Variants in TRPC6 observed in about 807,000 individuals in gnomAD.
The protein encoded by TRPC6 is transient receptor potential cation channel subfamily C member 6.
Under a neutral mutation model 90.7 loss-of-function variants are expected in TRPC6, and 55 were observed. The ratio of observed to expected loss-of-function variants is 0.61; its 90% confidence interval spans 0.49 to 0.76. The LOEUF (loss-of-function observed/expected upper bound fraction) is 0.76, where lower values mean the gene tolerates loss of function less well. Ranked by LOEUF, TRPC6 falls within the 30% of genes least tolerant of loss-of-function variation. The pLI, the probability that TRPC6 is intolerant of heterozygous loss-of-function variation, is 0.00. For missense variants in TRPC6, 989 were observed against 1,122.7 expected (o/e 0.88, Z 1.70); for synonymous variants, 393 against 393.0 (o/e 1.00, Z 0.00).
intron 2 of TRPC6, among the ~76,000 whole-genome samples, chr11:101,493,448 G>C (rs1226870983): frequency 6.6e-6 from 1 of 152,102 alleles, no homozygotes; most frequent in Non-Finnish European, 1.5e-5. Context: ...CAATTGCTCA[G>C]GTTGAATTAT....
rs992595807 is a variant in TRPC6 at position 101,583,781 on chromosome 11, G to C, written c.-278C>G. 21 of 368,582 alleles carry C rather than the reference G, an allele frequency of 5.7e-5. No individual in the cohort carries two copies. The highest frequency in any genetic ancestry group is 7.0e-4 in the Middle Eastern group (1 of 1,436). 22.8% of individuals were successfully genotyped at this position (368,582 alleles called of 1,614,324 possible). A position where few individuals can be genotyped will look rare whatever the true frequency, so the allele number is the denominator to read the frequency against. ...CGCGAGGATGCGTCTGGGGCGCCCG[G>C]GCAGAGAGGGCACAGGCGGGGCCGC... On this transcript the variant is annotated 5_prime_UTR_variant, in exon 1 of 13. Coordinates refer to ENST00000344327, the MANE Select transcript of TRPC6 (RefSeq NM_004621.6).
At position 101,483,050 on chromosome 11, in the gene TRPC6, A is replaced by C; in HGVS notation, c.1409T>G (p.Leu470Arg). Residue 470 changes from leucine to arginine, a missense_variant, in exon 5 of 13, where the codon CTC becomes CGC. Transcript: ENST00000344327. ...ATCTGTGCTGGTTTCATTAGGAAGG[A>C]GTTTTGTGCCTTCAAATCTGTCAGC... ...NAADRFEGTK[L>R]LPNETSTDNA... is the part of the protein sequence containing the mutation. The C allele has an allele frequency of 6.2e-7, 1 of 1,614,094 alleles. No individual in the cohort carries two copies. The highest frequency in any genetic ancestry group is 8.5e-7 in the Non-Finnish European group (1 of 1,179,952).
At chr11:101,456,527 T>A (rs1858887080) in intron 10 of TRPC6, among the ~76,000 whole-genome samples, 1 of 152,178 alleles carries the variant, frequency 6.6e-6, no homozygotes, top group Admixed American at 6.6e-5. Context: ...TTATTTACCA[T>A]CTATTCATTA....
intron 4 of TRPC6, 76 bp downstream of exon 4, chr11:101,488,861 A>T (rs536158763): frequency 1.3e-6 from 2 of 1,545,786 alleles, no homozygotes; most frequent in Admixed American, 3.4e-5. Flanking sequence ...TGAAATTTTC[A>T]CTTTGGAGAT....
At chr11:101,500,207 T>TTTA (rs1860081376) in intron 2 of TRPC6, among the ~76,000 whole-genome samples, 1 of 116,956 alleles carries the variant, frequency 8.6e-6, no homozygotes. Context: ...GTGTATTTTT[T>TTTA]TTCTTTCTTT....
chr11:101,517,228 A>T lies in TRPC6; in HGVS notation c.171-12430T>A, dbSNP rs542050505. Among the ~76,000 whole-genome samples, 22 of 152,348 alleles carry T rather than the reference A, an allele frequency of 1.4e-4. No individual in the cohort carries two copies. The South Asian group carries it at 3.7e-3, about 26-fold the overall frequency. ...GGTGAAAAGGAAAACAAATTCAGTC[A>T]AACTAGTGAAGCCATTGCTTTGGTA... On this transcript the variant is annotated intron_variant, in intron 1 of 12. Coordinates refer to ENST00000344327, the MANE Select transcript of TRPC6 (RefSeq NM_004621.6).
intron 1 of TRPC6, among the ~76,000 whole-genome samples, chr11:101,562,639 G>A (rs1046191264): frequency 1.3e-5 from 2 of 152,144 alleles, no homozygotes; most frequent in African/African-American, 4.8e-5. Flanking sequence ...GCTACCTACT[G>A]TTGTGAGCTG....
intron 5 of TRPC6, among the ~76,000 whole-genome samples, chr11:101,481,177 G>A (rs951768754): frequency 2.0e-5 from 3 of 152,142 alleles, no homozygotes; most frequent in African/African-American, 7.2e-5. Flanking sequence ...GACATGTCCT[G>A]CCTTAGAAGT....
At chr11:101,489,466 C>CT (rs1443935699) in intron 3 of TRPC6, among the ~76,000 whole-genome samples, 2 of 151,976 alleles carry the variant, frequency 1.3e-5, no homozygotes, top group Non-Finnish European at 2.9e-5. Flanking sequence ...TGCCTAAATA[C>CT]TTTTTTAAAA....
Position 101,504,307 on chromosome 11 carries a change from G to A in TRPC6, c.662C>T (p.Thr221Ile). The A allele has an allele frequency of 9.9e-6, 16 of 1,613,364 alleles. No homozygotes were observed. The highest frequency in any genetic ancestry group is 1.4e-5 in the Non-Finnish European group (16 of 1,179,332). Residue 221 changes from threonine to isoleucine, a missense_variant, in exon 2 of 13, where the codon ACT becomes ATT. Physicochemically the swap from Thr to Ile is moderately conservative, Grantham distance 89. Around this residue, in one of 4 missense-constraint regions of TRPC6, gnomAD observed 486 missense variants for 591.9 expected, o/e 0.82. Transcript: ENST00000344327. ...EDGTRFSHDV[T>I]PIILAAHCQE... is the part of the protein sequence containing the mutation. ...GCAGTGGGCAGCCAGAATGATTGGA[G>A]TCACATCATGGGAGAACCGTGTCCC...
intron 2 of TRPC6, among the ~76,000 whole-genome samples, chr11:101,495,591 AATTATT>A (rs199580955): frequency 0.12 from 16,995 of 141,804 alleles, 1,061 homozygotes; most frequent in African/African-American, 0.14. Flanking sequence ...GATCAATGGT[AATTATT>A]ATTATTATTA....
intron 1 of TRPC6, among the ~76,000 whole-genome samples, chr11:101,533,751 T>A (rs1329199831): frequency 1.3e-5 from 2 of 152,190 alleles, no homozygotes; most frequent in Admixed American, 6.5e-5. Flanking sequence ...GACTTCTATC[T>A]TTCTCCCCAT....
At chr11:101,476,601 A>G in intron 5 of TRPC6, 67 bp from the exon 6 acceptor site, 2 of 1,431,874 alleles carry the variant, frequency 1.4e-6, no homozygotes, top group South Asian at 1.2e-5. Context: ...ATAAAACAAA[A>G]TATGTTTGAA....
Position 101,583,080 on chromosome 11 carries a change from T to C in TRPC6, c.170+254A>G, listed in dbSNP as rs887057616. The C allele has an allele frequency of 2.4e-5, 18 of 765,448 alleles. No homozygotes were observed. The African/African-American group carries it at 3.4e-4, about 14-fold the overall frequency. 47.4% of individuals were successfully genotyped at this position (765,448 alleles called of 1,614,324 possible). On this transcript the variant is annotated intron_variant, in intron 1 of 12. Transcript: ENST00000344327. ...CTGCAATGGTGGTGTTACTATGCGG[T>C]CTCACTCTCGTGGGCAAACATATCC...
At chr11:101,467,553 C>A (rs1017494375) in intron 10 of TRPC6, among the ~76,000 whole-genome samples, 1 of 152,200 alleles carries the variant, frequency 6.6e-6, no homozygotes, top group Admixed American at 6.5e-5. Flanking sequence ...TTAAGTACAA[C>A]ACACACAGGC....
chr11:101,582,425 A>G (rs537631935), intron 1 of TRPC6, among the ~76,000 whole-genome samples: 2 of 152,208 alleles, frequency 1.3e-5, no homozygotes, highest in African/African-American at 4.8e-5. Flanking sequence ...TTGACTACCC[A>G]ATCACCCAAA....
At chr11:101,520,016 G>A (rs1860618373) in intron 1 of TRPC6, 1 of 151,988 alleles carries the variant, frequency 6.6e-6, no homozygotes, top group Admixed American at 6.6e-5. Context: ...CCTGATACCT[G>A]AGCACACACT....
At chr11:101,577,358 A>G (rs1210600947) in intron 1 of TRPC6, among the ~76,000 whole-genome samples, 5 of 152,186 alleles carry the variant, frequency 3.3e-5, no homozygotes, top group African/African-American at 1.2e-4. Context: ...TTATTTGGAA[A>G]TACCTCGTAC....
chr11:101,577,455 T>C (rs1862094052), intron 1 of TRPC6, among the ~76,000 whole-genome samples: 1 of 152,164 alleles, frequency 6.6e-6, no homozygotes, highest in African/African-American at 2.4e-5. Context: ...GGTGGTATCT[T>C]TGCTTAAAGG....
Sources: gnomAD v4.1 joint callset for allele counts (sites outside exome capture counted in the v4.1 genomes callset) on GRCh38, gnomAD v4.1.1 for gene constraint, gnomAD v4.1.1 regional missense constraint, MANE v1.5 for transcripts, NCBI Gene and HGNC (gene_info 2026-07-23, HGNC 2026-07-21) for gene names.